The following FHIT variants were observed in gnomAD, a reference collection of about 807,000 sequenced individuals.
FHIT encodes bis(5'-adenosyl)-triphosphatase.
Under a neutral mutation model 17.9 loss-of-function variants are expected in FHIT, and 19 were observed. The observed-to-expected ratio is 1.06, with a 90% CI of 0.74 to 1.56. The LOEUF is 1.56. FHIT is among the 40% of genes most tolerant of loss of function. The pLI, the probability that FHIT is intolerant of heterozygous loss-of-function variation, is 0.00. For missense variants in FHIT, 248 were observed against 189.2 expected, an observed-to-expected ratio of 1.31 and a Z score of -1.82; for synonymous variants, 81 against 69.7, an observed-to-expected ratio of 1.16 and a Z score of -0.81.
At chr3:60,257,663 A>G (rs1706071114) in intron 5 of FHIT, among the ~76,000 whole-genome samples, 1 of 152,212 alleles carries the variant, frequency 6.6e-6, no homozygotes, top group Non-Finnish European at 1.5e-5. Flanking sequence ...AGACTGCTAC[A>G]AGCAGAAATT....
In FHIT at chr3:59,853,738, C is replaced by T. The variant is rs193225377; in HGVS notation, c.348+68608G>A. Among the ~76,000 whole-genome samples, 60 of 152,196 alleles carry T rather than the reference C, an allele frequency of 3.9e-4. 1 individual carries two copies. Among genetic ancestry groups the T allele is most frequent in the South Asian group, 2.1e-3 (10 of 4,826 alleles). Reference sequence around the variant, plus strand: ...ATATGCAGACACAGAGATATGGGGACACACACATAGACACTTTCCATCTCA... The same window carrying T: ...ATATGCAGACACAGAGATATGGGGATACACACATAGACACTTTCCATCTCA... On this transcript the variant is annotated intron_variant, in intron 8 of 9. Coordinates refer to ENST00000492590, the MANE Select transcript of FHIT (RefSeq NM_002012.4).
intron 7 of FHIT, among the ~76,000 whole-genome samples, chr3:59,958,712 G>A (rs1707524166): frequency 1.3e-5 from 2 of 152,218 alleles, no homozygotes; most frequent in South Asian, 4.1e-4. Context: ...TGGCCGCTAT[G>A]TAATTTCTAC....
chr3:60,806,633 C>G (rs1330956128), intron 4 of FHIT, among the ~76,000 whole-genome samples: 3 of 152,188 alleles, frequency 2.0e-5, no homozygotes, highest in African/African-American at 4.8e-5. Flanking sequence ...ATACTTAACA[C>G]TTTTTACCTG....
intron 2 of FHIT, among the ~76,000 whole-genome samples, chr3:61,070,066 A>ATATTTTTAG (rs1202009761): frequency 6.6e-6 from 1 of 152,012 alleles, no homozygotes; most frequent in Admixed American, 6.6e-5. Flanking sequence ...TAATTTGTGT[A>ATATTTTTAG]TATTTTTAGT....
At position 60,020,487 on chromosome 3, in the gene FHIT, C is replaced by T. The variant is rs181699441; in HGVS notation, c.104-6335G>A. On this transcript the variant is annotated intron_variant, in intron 5 of 9. Transcript: ENST00000492590. ...CAAAATATCACTGATTTTGATTAGG[C>T]TGATTAGCCTGTGTATATATTAATA... is the stretch of plus-strand genomic sequence containing the variant. Among the ~76,000 whole-genome samples the T allele has an allele frequency of 2.6e-5, 4 of 152,260 alleles. No homozygotes were observed. In the East Asian group the frequency reaches 7.7e-4, roughly 29 times the overall value.
intron 3 of FHIT, among the ~76,000 whole-genome samples, chr3:60,844,236 C>T (rs916378871): frequency 2.6e-5 from 4 of 151,900 alleles, no homozygotes; most frequent in South Asian, 2.1e-4. Context: ...ATTAGGTAAC[C>T]GATTAAAATT....
intron 2 of FHIT, among the ~76,000 whole-genome samples, chr3:61,043,720 T>A (rs575430496): frequency 1.1e-4 from 16 of 152,310 alleles, no homozygotes; most frequent in African/African-American, 3.8e-4. Context: ...AACTGGGAGA[T>A]ACCTCCCAGT....
At chr3:60,992,223 G>A (rs980229638) in intron 3 of FHIT, among the ~76,000 whole-genome samples, 23 of 152,188 alleles carry the variant, frequency 1.5e-4, no homozygotes, top group East Asian at 1.9e-4. Context: ...ATAAGGGACC[G>A]TATTTGGAAA....
rs148197817 is a variant in FHIT, at chr3:60,304,730, T to A, written c.103+232130A>T. Reference sequence around the variant, plus strand: ...TATCTGAAATTCAAATTCAGCTGGGTCCCTGTACTCCTATTTGCTAACTCT... The same window carrying A: ...TATCTGAAATTCAAATTCAGCTGGGACCCTGTACTCCTATTTGCTAACTCT... On this transcript the variant is annotated intron_variant, in intron 5 of 9. Transcript: ENST00000492590. Among the ~76,000 whole-genome samples, 264 of 152,206 alleles carry A rather than the reference T, an allele frequency of 1.7e-3. 3 individuals are homozygous for A. Among genetic ancestry groups the A allele is most frequent in the African/African-American group, 5.7e-3 (236 of 41,548 alleles).
intron 4 of FHIT, among the ~76,000 whole-genome samples, chr3:60,733,913 T>G (rs1351230620): frequency 6.6e-6 from 1 of 152,214 alleles, no homozygotes; most frequent in Non-Finnish European, 1.5e-5. Context: ...GATGCATTTC[T>G]GGATCAAAAT....
intron 1 of FHIT, among the ~76,000 whole-genome samples, chr3:61,227,350 A>C (rs2039996349): frequency 6.6e-6 from 1 of 152,204 alleles, no homozygotes; most frequent in African/African-American, 2.4e-5. Context: ...TTGCCACATA[A>C]GGGCAAAAGT....
At chr3:60,099,697 C>G (rs1704111783) in intron 5 of FHIT, among the ~76,000 whole-genome samples, 1 of 152,160 alleles carries the variant, frequency 6.6e-6, no homozygotes, top group Admixed American at 6.5e-5. Context: ...TACAGATGGT[C>G]CCTAACTTCA....
intron 2 of FHIT, among the ~76,000 whole-genome samples, chr3:61,075,708 GATAATAA>G (rs1312132463): frequency 3.3e-5 from 5 of 152,028 alleles, no homozygotes; most frequent in South Asian, 4.1e-4. Context: ...AATACATTTT[GATAATAA>G]ATAATAAATA....
chr3:60,516,405 T>A (rs915391836), intron 5 of FHIT, among the ~76,000 whole-genome samples: 1 of 152,142 alleles, frequency 6.6e-6, no homozygotes, highest in South Asian at 2.1e-4. Flanking sequence ...CGCTAAAGCA[T>A]AGGAAGAAGT....
chr3:61,144,771 T>G (rs981720333), intron 2 of FHIT, among the ~76,000 whole-genome samples: 3 of 152,214 alleles, frequency 2.0e-5, no homozygotes, highest in Non-Finnish European at 4.4e-5. Flanking sequence ...TGGTTTTGGT[T>G]TGATCTAATT....
chr3:60,165,052 A>T (rs766844286), intron 5 of FHIT, among the ~76,000 whole-genome samples: 1 of 152,130 alleles, frequency 6.6e-6, no homozygotes. Flanking sequence ...AAACCCAGAC[A>T]TTTTCACAAG....
At chr3:60,493,567 G>A (rs1000432688) in intron 5 of FHIT, among the ~76,000 whole-genome samples, 3 of 152,050 alleles carry the variant, frequency 2.0e-5, no homozygotes, top group African/African-American at 7.2e-5. Flanking sequence ...TTTTAATTAG[G>A]TCACACCTTC....
intron 5 of FHIT, among the ~76,000 whole-genome samples, chr3:60,261,860 G>A (rs1706321932): frequency 6.6e-6 from 1 of 151,900 alleles, no homozygotes; most frequent in Non-Finnish European, 1.5e-5. Flanking sequence ...CACTGTACCT[G>A]GAGAAAAGGA....
intron 3 of FHIT, among the ~76,000 whole-genome samples, chr3:60,971,401 G>T (rs1238341091): frequency 6.6e-6 from 1 of 152,154 alleles, no homozygotes; most frequent in African/African-American, 2.4e-5. Flanking sequence ...ATTTCCAAAT[G>T]TCTCAAATGT....
Sources: gnomAD v4.1 joint callset for allele counts (sites outside exome capture counted in the v4.1 genomes callset) on GRCh38, gnomAD v4.1.1 for gene constraint, MANE v1.5 for transcripts, NCBI Gene and HGNC (gene_info 2026-07-23, HGNC 2026-07-21) for gene names.